Variants in CYSLTR2 observed in about 807,000 individuals in gnomAD.
CYSLTR2 encodes the protein G-protein coupled receptor GPCR21.
For missense variants in CYSLTR2, 398 were observed against 411.9 expected, an observed-to-expected ratio of 0.97 and a Z score of 0.29; for synonymous variants, 179 against 160.8, an observed-to-expected ratio of 1.11 and a Z score of -0.86.
chr13:48,671,008 G>A (rs1316188256), intron 1 of CYSLTR2, among the ~76,000 whole-genome samples: 1 of 152,072 alleles, frequency 6.6e-6, no homozygotes, highest in Non-Finnish European at 1.5e-5. Flanking sequence ...CTTGTAAGTT[G>A]TATTCCTAGG....
intron 1 of CYSLTR2, among the ~76,000 whole-genome samples, chr13:48,683,118 C>G (rs1339060284): frequency 2.0e-5 from 3 of 152,130 alleles, no homozygotes; most frequent in Admixed American, 6.6e-5. Flanking sequence ...TTTTCTTTAT[C>G]CAGTCTACCA....
intron 1 of CYSLTR2, among the ~76,000 whole-genome samples, chr13:48,674,695 A>G (rs1953546667): frequency 6.6e-6 from 1 of 152,148 alleles, no homozygotes. Context: ...TTGGAGGTGA[A>G]GAGTCATTCT....
chr13:48,709,826 G>A lies in CYSLTR2; in HGVS notation c.*1968G>A, dbSNP rs1260444702. 1 of 152,174 alleles carries A rather than the reference G, an allele frequency of 6.6e-6. No individual in the cohort carries two copies. The highest frequency in any genetic ancestry group is 1.5e-5 in the Non-Finnish European group (1 of 68,034). The allele number at this position is 152,174 out of a possible 1,614,324, so 9.4% of individuals were successfully genotyped here. The stretch of plus-strand genomic sequence containing the variant: ...CAGGAGAAAGTGAAGAGAATTCCCA[G>A]GATGTTGGTGTGTAGCAGGCTTAGA... On this transcript the variant is annotated 3_prime_UTR_variant, in exon 5 of 5. Coordinates refer to ENST00000682523, the MANE Select transcript of CYSLTR2 (RefSeq NM_001308476.3).
intron 1 of CYSLTR2, among the ~76,000 whole-genome samples, chr13:48,658,864 C>A (rs1165199086): frequency 6.6e-6 from 1 of 151,998 alleles, no homozygotes; most frequent in Non-Finnish European, 1.5e-5. Context: ...ATGAACTTGA[C>A]TCTGAGATGA....
At chr13:48,705,038 CCTTGAAGTCACTAAATATCT>C (rs1245421121) in intron 4 of CYSLTR2, among the ~76,000 whole-genome samples, 5 of 152,112 alleles carry the variant, frequency 3.3e-5, no homozygotes, top group African/African-American at 1.2e-4. Flanking sequence ...TGAGAGAGGT[CCTTGAAGTCACTAAATATCT>C]CTCCTTTCAG....
rs145470610 is a variant in CYSLTR2, at chr13:48,677,543, T to C, written c.-265-13669T>C. On this transcript the variant is annotated intron_variant, in intron 1 of 4. Transcript: ENST00000682523. ...CCTGGATTTCTGGTAGACTGTACAT[T>C]CTACCATACTATGGCTCAAGTGTAT... Among the ~76,000 whole-genome samples, 86 of 152,212 alleles carry C rather than the reference T, an allele frequency of 5.7e-4. 1 individual carries two copies. Among genetic ancestry groups the C allele is most frequent in the African/African-American group, 1.9e-3 (81 of 41,548 alleles).
At chr13:48,686,629 C>T (rs1219633884) in intron 1 of CYSLTR2, among the ~76,000 whole-genome samples, 1 of 152,170 alleles carries the variant, frequency 6.6e-6, no homozygotes, top group Non-Finnish European at 1.5e-5. Flanking sequence ...TCATGGGCTG[C>T]TCCGTAGTAT....
Position 48,666,236 on chromosome 13 carries a change from G to A in CYSLTR2, c.-266+12219G>A, listed in dbSNP as rs565340383. 5.3e-5 allele frequency among the ~76,000 whole-genome samples: 8 copies of A among 152,024 alleles called. No individual in the cohort carries two copies. The South Asian group carries it at 1.7e-3, about 32-fold the overall frequency. On this transcript the variant is annotated intron_variant, in intron 1 of 4. Coordinates refer to ENST00000682523, the MANE Select transcript of CYSLTR2 (RefSeq NM_001308476.3). ...GAATTTATCATCCCAATTCTCTCTT[G>A]ACCTCTAAGGTTTCTGCTGGGAAAT...
rs372575519 is a variant in CYSLTR2, at chr13:48,654,251, TTGTGTGTGTGTGTGTG to T, written c.-266+273_-266+288del. On this transcript the variant is annotated intron_variant, in intron 1 of 4. Transcript: ENST00000682523. ...TATTGATATTTTGGGGATCGTCCCT[TTGTGTGTGTGTGTGTG>T]TGTGTGTGTGTGTGTGTGTGTGTGT... Among the ~76,000 whole-genome samples, 1,003 of 129,290 alleles carry T rather than the reference TTGTGTGTGTGTGTGTG, an allele frequency of 7.8e-3. 6 individuals are homozygous for T. Among genetic ancestry groups the T allele is most frequent in the South Asian group, 0.016 (58 of 3,658 alleles). 84.8% of individuals were successfully genotyped at this position (129,290 alleles called of 152,430 possible).
intron 1 of CYSLTR2, among the ~76,000 whole-genome samples, chr13:48,679,544 C>A (rs1250591514): frequency 6.6e-6 from 1 of 152,200 alleles, no homozygotes; most frequent in Admixed American, 6.5e-5. Flanking sequence ...CTATTCCATG[C>A]CTGTGCACTT....
chr13:48,655,172 A>T (rs558809730), intron 1 of CYSLTR2, among the ~76,000 whole-genome samples: 10 of 152,300 alleles, frequency 6.6e-5, no homozygotes, highest in South Asian at 6.2e-4. Context: ...GTTAAAAGTT[A>T]GAGAAGTTGA....
chr13:48,658,291 T>C (rs1037368644), intron 1 of CYSLTR2, among the ~76,000 whole-genome samples: 3 of 152,174 alleles, frequency 2.0e-5, no homozygotes, highest in Non-Finnish European at 2.9e-5. Context: ...TCCCAGACTT[T>C]AGATTTGAAT....
In CYSLTR2 at chr13:48,668,575, G is replaced by A. The variant is rs191136269; in HGVS notation, c.-266+14558G>A. 1.8e-3 allele frequency among the ~76,000 whole-genome samples: 267 copies of A among 151,982 alleles called. 5 individuals are homozygous for A. The highest frequency in any genetic ancestry group is 0.017 in the South Asian group (83 of 4,794). ...CCCTCATCAGATATGGGGTTGGGGG[G>A]CATCATTATCCTCATTTTATTTTAT... On this transcript the variant is annotated intron_variant, in intron 1 of 4. Transcript: ENST00000682523.
rs1954506703 is a variant in CYSLTR2, at chr13:48,706,952, T to C, written c.135T>C (p.Tyr45=). Residue 45 remains tyrosine, a synonymous_variant, in exon 5 of 5, where the codon TAT becomes TAC. Transcript: ENST00000682523. ...AGAGAGAATTTTTCCCAATTGTATA[T>C]CTGATAATATTTTTCTGGGGAGTCT... is the stretch of plus-strand genomic sequence containing the variant. ...NFKREFFPIV[Y]LIIFFWGVLG... is the part of the protein sequence containing the mutation. 5.0e-6 allele frequency: 8 copies of C among 1,614,196 alleles called. No homozygotes were observed. The highest frequency in any genetic ancestry group is 6.8e-6 in the Non-Finnish European group (8 of 1,180,036).
chr13:48,663,018 A>C (rs143781779), intron 1 of CYSLTR2, among the ~76,000 whole-genome samples: 2 of 152,160 alleles, frequency 1.3e-5, no homozygotes, highest in African/African-American at 4.8e-5. Context: ...TTTGAGTTAA[A>C]TTTTGTAGAG....
intron 2 of CYSLTR2, among the ~76,000 whole-genome samples, chr13:48,692,678 T>C (rs1042365333): frequency 1.3e-5 from 2 of 151,296 alleles, no homozygotes; most frequent in Non-Finnish European, 3.0e-5. Flanking sequence ...TAAACATTTA[T>C]ATTAATTATC....
chr13:48,692,813 A>G (rs1241533681), intron 2 of CYSLTR2, among the ~76,000 whole-genome samples: 1 of 151,406 alleles, frequency 6.6e-6, no homozygotes, highest in African/African-American at 2.4e-5. Flanking sequence ...AACAGTTTCA[A>G]TATATAAATA....
At chr13:48,663,866 T>G (rs916198701) in intron 1 of CYSLTR2, among the ~76,000 whole-genome samples, 1 of 152,072 alleles carries the variant, frequency 6.6e-6, no homozygotes, top group Non-Finnish European at 1.5e-5. Context: ...AGTGCTATAT[T>G]GAATAAGAGT....
At chr13:48,697,177 G>A (rs111300217) in intron 4 of CYSLTR2, among the ~76,000 whole-genome samples, 2,235 of 152,186 alleles carry the variant, frequency 0.015, 64 homozygotes, top group African/African-American at 0.05. Flanking sequence ...CTCCCAGCAC[G>A]GAGTTTGAGA....
Sources: gnomAD v4.1 joint callset for allele counts (sites outside exome capture counted in the v4.1 genomes callset) on GRCh38, gnomAD v4.1.1 for gene constraint, MANE v1.5 for transcripts, NCBI Gene and HGNC (gene_info 2026-07-23, HGNC 2026-07-21) for gene names.